Variants in CSMD1 observed in about 807,000 individuals in gnomAD.
CSMD1 encodes CUB and sushi domain-containing protein 1.
CSMD1 carries 213 observed loss-of-function variants against 417.5 expected under a neutral mutation model. The ratio of observed to expected loss-of-function variants is 0.51; its 90% CI spans 0.46 to 0.57. The LOEUF is 0.57. Among genes scored for constraint, CSMD1 ranks in the 20% least tolerant of loss-of-function variants. The pLI, the probability that CSMD1 is intolerant of heterozygous loss-of-function variation, is 0.00. For synonymous variants in CSMD1, 2,862 were observed against 1,736.8 expected (o/e 1.65, Z -16.11); for missense variants, 6,923 against 4,529.7 (o/e 1.53, Z -15.17).
intron 3 of CSMD1, among the ~76,000 whole-genome samples, chr8:4,139,155 A>G (rs1268112989): frequency 6.6e-6 from 1 of 152,190 alleles, no homozygotes; most frequent in Non-Finnish European, 1.5e-5. Flanking sequence ...TACTGGTTTT[A>G]TCACATGAAA....
intron 1 of CSMD1, among the ~76,000 whole-genome samples, chr8:4,782,871 G>A (rs1211654479): frequency 6.6e-6 from 1 of 150,902 alleles, no homozygotes; most frequent in Non-Finnish European, 1.5e-5. Flanking sequence ...AATGCTAAAA[G>A]CTTTATGATG....
At chr8:4,360,791 G>A (rs953302441) in intron 3 of CSMD1, among the ~76,000 whole-genome samples, 1 of 151,618 alleles carries the variant, frequency 6.6e-6, no homozygotes, top group African/African-American at 2.4e-5. Context: ...ACTGCACCCG[G>A]CCCCTCGGGG....
At chr8:4,185,998 T>C (rs942620525) in intron 3 of CSMD1, among the ~76,000 whole-genome samples, 1 of 152,208 alleles carries the variant, frequency 6.6e-6, no homozygotes, top group African/African-American at 2.4e-5. Flanking sequence ...ACCTATGTTT[T>C]GTTATGATCT....
chr8:2,984,173 C>T (rs1805656326), intron 54 of CSMD1, among the ~76,000 whole-genome samples: 1 of 152,114 alleles, frequency 6.6e-6, no homozygotes, highest in Admixed American at 6.5e-5. Context: ...CCGTTTATGT[C>T]GCTGCCTCAA....
chr8:4,347,173 T>G (rs34198572), intron 3 of CSMD1, among the ~76,000 whole-genome samples: 21,579 of 152,028 alleles, frequency 0.14, 1,992 homozygotes, highest in African/African-American at 0.26. Flanking sequence ...GGTGTTCAAG[T>G]TTTAGCTTTA....
intron 3 of CSMD1, among the ~76,000 whole-genome samples, chr8:4,162,720 T>A (rs187659879): frequency 6.6e-6 from 1 of 152,154 alleles, no homozygotes; most frequent in Non-Finnish European, 1.5e-5. Flanking sequence ...GGTGCATTTG[T>A]TCCAATCGAT....
intron 5 of CSMD1, among the ~76,000 whole-genome samples, chr8:3,950,165 A>T (rs192133157): frequency 6.6e-6 from 1 of 152,342 alleles, no homozygotes; most frequent in East Asian, 1.9e-4. Context: ...TACAGAAGAA[A>T]GGTAAACCAC....
intron 3 of CSMD1, among the ~76,000 whole-genome samples, chr8:4,375,888 G>A (rs975593745): frequency 6.6e-6 from 1 of 152,074 alleles, no homozygotes; most frequent in South Asian, 2.1e-4. Flanking sequence ...TCAAACACAG[G>A]CAAATGCCTT....
At chr8:4,463,656 C>T (rs969829231) in intron 2 of CSMD1, among the ~76,000 whole-genome samples, 1 of 152,150 alleles carries the variant, frequency 6.6e-6, no homozygotes, top group African/African-American at 2.4e-5. Flanking sequence ...TCACAAAACA[C>T]ATTTTGTACC....
chr8:4,529,186 C>T (rs961822751), intron 2 of CSMD1, among the ~76,000 whole-genome samples: 1 of 152,112 alleles, frequency 6.6e-6, no homozygotes, highest in East Asian at 1.9e-4. Context: ...CTCTCAGAAG[C>T]CATGAGGTCA....
At chr8:3,709,177 G>GA (rs968080774) in intron 6 of CSMD1, among the ~76,000 whole-genome samples, 4 of 144,592 alleles carry the variant, frequency 2.8e-5, no homozygotes, top group Admixed American at 6.9e-5. Flanking sequence ...GTCACTTACG[G>GA]AAAAAAAATG....
chr8:3,824,238 A>G (rs932673894), intron 5 of CSMD1, among the ~76,000 whole-genome samples: 1 of 150,912 alleles, frequency 6.6e-6, no homozygotes, highest in African/African-American at 2.5e-5. Flanking sequence ...AAGAAATTCC[A>G]AAAAAACAAA....
chr8:4,637,906 A>G (rs1177654274), intron 1 of CSMD1, among the ~76,000 whole-genome samples: 1 of 151,156 alleles, frequency 6.6e-6, no homozygotes, highest in South Asian at 2.1e-4. Flanking sequence ...TCCTGACCTC[A>G]TGATCCACCC....
In CSMD1 at chr8:4,336,352, C is replaced by A. The variant is rs547251141; in HGVS notation, c.415+83601G>T. On this transcript the variant is annotated intron_variant, in intron 3 of 69. Coordinates refer to ENST00000635120, the MANE Select transcript of CSMD1 (RefSeq NM_033225.6). ...TTTTTAGTTAGGAAGCAGGGAGCAA[C>A]TGGGTCATTAACAGGCAACTGTGCC... is the stretch of plus-strand genomic sequence containing the variant. Among the ~76,000 whole-genome samples, 3 of 152,252 alleles carry A rather than the reference C, an allele frequency of 2.0e-5. No homozygotes were observed. In the South Asian group the frequency reaches 6.2e-4, roughly 32 times the overall value.
At chr8:3,906,163 C>T (rs1282315747) in intron 5 of CSMD1, among the ~76,000 whole-genome samples, 1 of 152,120 alleles carries the variant, frequency 6.6e-6, no homozygotes, top group Non-Finnish European at 1.5e-5. Context: ...ATCATACTAC[C>T]TGCATTTGTG....
intron 1 of CSMD1, among the ~76,000 whole-genome samples, chr8:4,927,194 C>T (rs1436647711): frequency 1.3e-5 from 2 of 151,306 alleles, no homozygotes; most frequent in African/African-American, 4.9e-5. Flanking sequence ...GCAATCTCCA[C>T]CTCCCACGTT....
chr8:4,800,785 G>C lies in CSMD1; in HGVS notation c.86-163227C>G, dbSNP rs77345984. On this transcript the variant is annotated intron_variant, in intron 1 of 69. Coordinates refer to ENST00000635120, the MANE Select transcript of CSMD1 (RefSeq NM_033225.6). ...CTTTTGGGTGAGACACCACCTAGGA[G>C]GTGGGTTTCGGGACCTGGGGAGGGC... Among the ~76,000 whole-genome samples, 1,035 of 152,348 alleles carry C rather than the reference G, an allele frequency of 6.8e-3. 13 individuals carry two copies. The highest frequency in any genetic ancestry group is 0.011 in the Non-Finnish European group (782 of 68,030).
At chr8:4,577,186 G>A (rs150321320) in intron 2 of CSMD1, among the ~76,000 whole-genome samples, 30 of 152,110 alleles carry the variant, frequency 2.0e-4, no homozygotes, top group Admixed American at 6.5e-4. Flanking sequence ...TTATTGAAGC[G>A]AGATTTTCTT....
intron 3 of CSMD1, among the ~76,000 whole-genome samples, chr8:4,193,581 A>T (rs545193626): frequency 3.3e-5 from 5 of 152,098 alleles, no homozygotes; most frequent in African/African-American, 1.2e-4. Context: ...TGAAAGAGGC[A>T]GAGGATGAGG....
Sources: gnomAD v4.1 joint callset for allele counts (sites outside exome capture counted in the v4.1 genomes callset) on GRCh38, gnomAD v4.1.1 for gene constraint, MANE v1.5 for transcripts, NCBI Gene and HGNC (gene_info 2026-07-23, HGNC 2026-07-21) for gene names.